Variants in SYNPR observed in about 807,000 individuals in gnomAD.
SYNPR encodes synaptoporin.
SYNPR carries 23 observed loss-of-function variants against 32.9 expected under a neutral mutation model. The observed-to-expected ratio is 0.70, with a 90% CI of 0.50 to 0.99. The LOEUF (loss-of-function observed/expected upper bound fraction) is 0.99, where lower values mean the gene tolerates loss of function less well. Among genes scored for constraint, SYNPR ranks in the 50% least tolerant of loss-of-function variants. The pLI is 0.00. For missense variants in SYNPR, 318 were observed against 349.3 expected, an observed-to-expected ratio of 0.91 and a Z score of 0.71; for synonymous variants, 146 against 135.9, an observed-to-expected ratio of 1.07 and a Z score of -0.52.
intron 2 of SYNPR, chr3:63,427,542 T>C (rs1272777689): frequency 3.3e-5 from 5 of 152,308 alleles, no homozygotes; most frequent in Admixed American, 6.5e-5. Flanking sequence ...CAGAAATCCA[T>C]AGGACAGGGC....
At chr3:63,265,235 G>A (rs1443527217) in intron 2 of SYNPR, among the ~76,000 whole-genome samples, 3 of 110,038 alleles carry the variant, frequency 2.7e-5, no homozygotes, top group South Asian at 3.8e-4. Context: ...GGTTTCTAAT[G>A]ACATTCTTTT....
At chr3:63,520,650 G>C (rs376923566) in intron 3 of SYNPR, among the ~76,000 whole-genome samples, 55 of 148,472 alleles carry the variant, frequency 3.7e-4, no homozygotes, top group African/African-American at 1.3e-3. Context: ...TCCAGCCTGG[G>C]TGACAGAGCA....
intron 2 of SYNPR, among the ~76,000 whole-genome samples, chr3:63,309,881 T>C (rs1469055850): frequency 6.6e-6 from 1 of 152,040 alleles, no homozygotes; most frequent in Non-Finnish European, 1.5e-5. Context: ...CAGACATGCA[T>C]ATGCATTGTG....
intron 2 of SYNPR, among the ~76,000 whole-genome samples, chr3:63,390,543 T>A (rs2088119296): frequency 6.6e-6 from 1 of 152,196 alleles, no homozygotes. Context: ...TAGTACCATG[T>A]GAGACGAAAT....
intron 3 of SYNPR, among the ~76,000 whole-genome samples, chr3:63,539,557 G>A (rs1702264237): frequency 6.6e-6 from 1 of 152,072 alleles, no homozygotes; most frequent in Non-Finnish European, 1.5e-5. Context: ...CAAAAGAAGG[G>A]TATGGTCCTT....
At chr3:63,561,335 A>G (rs1439607453) in intron 4 of SYNPR, 1 of 152,178 alleles carries the variant, frequency 6.6e-6, no homozygotes, top group Admixed American at 6.5e-5. Context: ...ATTCACATTT[A>G]TAGATGAGAG....
chr3:63,299,323 G>C (rs1196237972), intron 2 of SYNPR, among the ~76,000 whole-genome samples: 2 of 152,048 alleles, frequency 1.3e-5, no homozygotes, highest in African/African-American at 4.8e-5. Flanking sequence ...TCTGTTCTTT[G>C]CTACTCTTTT....
At chr3:63,362,058 G>C (rs921682460) in intron 2 of SYNPR, among the ~76,000 whole-genome samples, 5 of 152,160 alleles carry the variant, frequency 3.3e-5, no homozygotes, top group Non-Finnish European at 4.4e-5. Context: ...TAAAATGTGA[G>C]AGTGATACAT....
intron 2 of SYNPR, among the ~76,000 whole-genome samples, chr3:63,458,076 G>C (rs1016044875): frequency 5.9e-5 from 9 of 151,966 alleles, no homozygotes; most frequent in African/African-American, 1.7e-4. Context: ...GGTATCTTGG[G>C]CACTAAACTT....
chr3:63,294,065 AT>A (rs765407478), intron 2 of SYNPR, among the ~76,000 whole-genome samples: 67 of 152,138 alleles, frequency 4.4e-4, no homozygotes, highest in African/African-American at 1.3e-3. Flanking sequence ...TAGATAAAAT[AT>A]TTTTTTCCCA....
chr3:63,578,837 C>A (rs1471378558), intron 4 of SYNPR, among the ~76,000 whole-genome samples: 6 of 152,134 alleles, frequency 3.9e-5, no homozygotes, highest in Non-Finnish European at 8.8e-5. Context: ...CAGATACACC[C>A]AGCCAATATG....
intron 2 of SYNPR, among the ~76,000 whole-genome samples, chr3:63,344,822 G>C (rs1232454597): frequency 6.6e-6 from 1 of 152,024 alleles, no homozygotes; most frequent in Non-Finnish European, 1.5e-5. Flanking sequence ...GATGGGCAGG[G>C]GGCTGGTGAA....
the SYNPR span, among the ~76,000 whole-genome samples, chr3:63,219,834 G>T: frequency 1.3e-5 from 2 of 152,104 alleles, no homozygotes; most frequent in Non-Finnish European, 2.9e-5. Flanking sequence ...CTTTTCCAGG[G>T]GTGGCAGAGG....
intron 4 of SYNPR, among the ~76,000 whole-genome samples, chr3:63,576,903 A>G (rs1702992224): frequency 6.6e-6 from 1 of 152,160 alleles, no homozygotes; most frequent in South Asian, 2.1e-4. Context: ...TGGACCTCAG[A>G]AACCTGTGAT....
the SYNPR span, among the ~76,000 whole-genome samples, chr3:63,201,822 G>A: frequency 6.6e-6 from 1 of 152,042 alleles, no homozygotes; most frequent in African/African-American, 2.4e-5. Flanking sequence ...TATATATGTG[G>A]AACAGAGATA....
At chr3:63,289,185 T>C (rs1231771389) in intron 2 of SYNPR, among the ~76,000 whole-genome samples, 1 of 152,232 alleles carries the variant, frequency 6.6e-6, no homozygotes, top group Non-Finnish European at 1.5e-5. Flanking sequence ...ATTCCTAAAC[T>C]TTCTAGCACT....
chr3:63,265,272 G>A (rs1422692591), intron 2 of SYNPR, among the ~76,000 whole-genome samples: 1 of 71,200 alleles, frequency 1.4e-5, no homozygotes, highest in South Asian at 6.6e-4. Flanking sequence ...TTTTTTCTGA[G>A]ATGGAGTCTC....
intron 3 of SYNPR, among the ~76,000 whole-genome samples, chr3:63,537,446 C>T (rs1702230290): frequency 6.6e-6 from 1 of 152,080 alleles, no homozygotes; most frequent in Admixed American, 6.6e-5. Flanking sequence ...ATACAGACAT[C>T]TTTATTCTGG....
chr3:63,300,338 T>TATCTATCTATCTATCTATCTATCTATC, intron 2 of SYNPR, among the ~76,000 whole-genome samples: 1 of 151,974 alleles, frequency 6.6e-6, no homozygotes, highest in Non-Finnish European at 1.5e-5. Flanking sequence ...TGCTTCTATC[T>TATCTATCTATCTATCTATCTATCTATC]ATCTATCTAT....
Sources: allele counts gnomAD v4.1 joint callset (sites outside exome capture counted in the v4.1 genomes callset), GRCh38; gene constraint gnomAD v4.1.1; transcripts MANE v1.5; gene names NCBI Gene and HGNC (gene_info 2026-07-23, HGNC 2026-07-21).